PIK3C2G: variants seen among roughly 807,000 people sequenced by gnomAD.
PIK3C2G encodes phosphatidylinositol-4-phosphate 3-kinase catalytic subunit type 2 gamma, also known as phosphatidylinositol 3-kinase C2 domain-containing subunit gamma.
In PIK3C2G, 168 loss-of-function variants were observed where a neutral mutation model predicts 181.1. The ratio of observed to expected loss-of-function variants is 0.93; its 90% CI spans 0.82 to 1.05. The LOEUF (loss-of-function observed/expected upper bound fraction) is 1.05, where lower values mean the gene tolerates loss of function less well. PIK3C2G is among the 50% of genes least tolerant of loss of function. The pLI is 0.00. For missense variants in PIK3C2G, 1,869 were observed against 1,732.8 expected (o/e 1.08, Z -1.40); for synonymous variants, 573 against 592.2 (o/e 0.97, Z 0.47).
At chr12:18,396,654 A>T (rs941194433) in intron 15 of PIK3C2G, among the ~76,000 whole-genome samples, 3 of 151,852 alleles carry the variant, frequency 2.0e-5, no homozygotes, top group Admixed American at 6.6e-5. Context: ...AATATATATA[A>T]AATAAATTCT....
At chr12:18,666,002 G>C in the PIK3C2G span, among the ~76,000 whole-genome samples, 3 of 150,800 alleles carry the variant, frequency 2.0e-5, no homozygotes, top group Non-Finnish European at 4.4e-5. Context: ...TGTGACCAAA[G>C]TCTTCGTATA....
At chr12:18,664,764 C>A in the PIK3C2G span, among the ~76,000 whole-genome samples, 5 of 151,338 alleles carry the variant, frequency 3.3e-5, no homozygotes, top group African/African-American at 1.2e-4. Flanking sequence ...ATCCAAATGT[C>A]CAACAATGAT....
chr12:18,391,593 A>G (rs998171767), intron 15 of PIK3C2G, among the ~76,000 whole-genome samples: 4 of 152,330 alleles, frequency 2.6e-5, no homozygotes, highest in African/African-American at 9.6e-5. Context: ...AAGTTGTTTT[A>G]GTCAACAGGG....
intron 18 of PIK3C2G, among the ~76,000 whole-genome samples, chr12:18,443,487 G>GA (rs1946857900): frequency 1.3e-5 from 2 of 151,814 alleles, no homozygotes; most frequent in African/African-American, 4.8e-5. Flanking sequence ...CACAGGAAAT[G>GA]AAAAACCACT....
At chr12:18,636,763 C>T (rs74892951) in intron 31 of PIK3C2G, among the ~76,000 whole-genome samples, 2 of 152,242 alleles carry the variant, frequency 1.3e-5, no homozygotes, top group East Asian at 3.9e-4. Context: ...TCACCCCCAA[C>T]CCCTGTGTCT....
intron 18 of PIK3C2G, among the ~76,000 whole-genome samples, chr12:18,457,389 T>C (rs1201223650): frequency 6.6e-6 from 1 of 152,220 alleles, no homozygotes; most frequent in African/African-American, 2.4e-5. Context: ...CACTCTTTAG[T>C]GTCTTTTGGC....
At chr12:18,313,832 A>ACACG in intron 5 of PIK3C2G, 130 bp from the exon 6 acceptor site, 3 of 587,208 alleles carry the variant, frequency 5.1e-6, no homozygotes, top group Non-Finnish European at 9.1e-6. Flanking sequence ...ACACACACGC[A>ACACG]CACACACGCA....
chr12:18,471,996 TTAG>T (rs1173105726), intron 18 of PIK3C2G, among the ~76,000 whole-genome samples: 1 of 152,164 alleles, frequency 6.6e-6, no homozygotes, highest in Non-Finnish European at 1.5e-5. Context: ...TGGAATACTC[TTAG>T]TAGGCTGTGA....
intron 18 of PIK3C2G, among the ~76,000 whole-genome samples, chr12:18,472,695 A>G (rs949141182): frequency 6.6e-6 from 1 of 152,068 alleles, no homozygotes; most frequent in Admixed American, 6.6e-5. Context: ...TATCTATTCC[A>G]ATATTTTTAT....
intron 8 of PIK3C2G, 95 bp from the exon 9 acceptor site, chr12:18,338,331 C>T: frequency 4.2e-6 from 4 of 962,686 alleles, no homozygotes; most frequent in Non-Finnish European, 6.2e-6. Flanking sequence ...TTTTATTCCA[C>T]TTGCTCCTCA....
intron 11 of PIK3C2G, among the ~76,000 whole-genome samples, chr12:18,362,337 T>C (rs1941312003): frequency 6.6e-6 from 1 of 152,112 alleles, no homozygotes; most frequent in South Asian, 2.1e-4. Flanking sequence ...TAGATGTACG[T>C]CCCCGTGTTC....
chr12:18,467,556 C>T (rs1938025805), intron 18 of PIK3C2G, among the ~76,000 whole-genome samples: 1 of 151,468 alleles, frequency 6.6e-6, no homozygotes, highest in African/African-American at 2.4e-5. Flanking sequence ...CAATGTAAGA[C>T]AAGATTTACC....
At chr12:18,352,442 G>T (rs1456967428) in intron 11 of PIK3C2G, among the ~76,000 whole-genome samples, 4 of 152,282 alleles carry the variant, frequency 2.6e-5, no homozygotes, top group East Asian at 3.9e-4. Flanking sequence ...GGGTGCAGGG[G>T]CCAGGACAAG....
chr12:18,354,180 A>G (rs1368835737), intron 11 of PIK3C2G, among the ~76,000 whole-genome samples: 2 of 152,200 alleles, frequency 1.3e-5, no homozygotes, highest in Non-Finnish European at 2.9e-5. Context: ...AAGCCTCTCT[A>G]TATCTGTCAG....
intron 15 of PIK3C2G, among the ~76,000 whole-genome samples, chr12:18,399,063 C>T (rs938907797): frequency 4.7e-5 from 7 of 149,176 alleles, no homozygotes; most frequent in South Asian, 4.3e-4. Flanking sequence ...GGCGTAGTGG[C>T]GGGCGCCTGT....
chr12:18,312,460 G>C (rs1032966207), intron 5 of PIK3C2G, among the ~76,000 whole-genome samples: 4 of 152,108 alleles, frequency 2.6e-5, no homozygotes, highest in African/African-American at 7.2e-5. Flanking sequence ...CAGGAACAGG[G>C]AAACAGAGCT....
At chr12:18,628,357 T>C (rs575829841) in intron 31 of PIK3C2G, among the ~76,000 whole-genome samples, 1 of 152,316 alleles carries the variant, frequency 6.6e-6, no homozygotes, top group East Asian at 1.9e-4. Context: ...CAGTTTAAAA[T>C]GTGCTTTGTT....
At chr12:18,547,293 T>C (rs1473573856) in intron 26 of PIK3C2G, among the ~76,000 whole-genome samples, 2 of 151,974 alleles carry the variant, frequency 1.3e-5, no homozygotes, top group Non-Finnish European at 2.9e-5. Flanking sequence ...AGAAATTGCT[T>C]CCCACTCCAA....
intron 31 of PIK3C2G, among the ~76,000 whole-genome samples, chr12:18,612,411 C>T (rs1371855885): frequency 6.6e-6 from 1 of 152,028 alleles, no homozygotes; most frequent in Non-Finnish European, 1.5e-5. Flanking sequence ...ACTGCTATAA[C>T]CCAAGGTGTA....
Sources: gnomAD v4.1 joint callset for allele counts (sites outside exome capture counted in the v4.1 genomes callset) on GRCh38, gnomAD v4.1.1 for gene constraint, MANE v1.5 for transcripts, NCBI Gene and HGNC (gene_info 2026-07-23, HGNC 2026-07-21) for gene names.